The following ZRANB3 variants were observed in gnomAD, a reference collection of about 807,000 sequenced individuals.
The protein encoded by ZRANB3 is DNA annealing helicase and endonuclease ZRANB3.
Under a neutral mutation model 133.8 loss-of-function variants are expected in ZRANB3, and 125 were observed. The ratio of observed to expected loss-of-function variants is 0.93; its 90% CI spans 0.81 to 1.08. The LOEUF (loss-of-function observed/expected upper bound fraction) is 1.08, where lower values mean the gene tolerates loss of function less well. ZRANB3 is among the 50% of genes least tolerant of loss of function. ZRANB3 has a pLI of 0.00. For missense variants in ZRANB3, 1,229 were observed against 1,275.5 expected (o/e 0.96, Z 0.56); for synonymous variants, 387 against 432.7 (o/e 0.89, Z 1.31).
intron 14 of ZRANB3, among the ~76,000 whole-genome samples, chr2:135,226,843 C>CTA (rs1694778276): frequency 6.6e-6 from 1 of 151,168 alleles, no homozygotes; most frequent in African/African-American, 2.4e-5. Context: ...AGAGTATAAC[C>CTA]CACCTGAGTC....
chr2:135,428,553 A>T (rs757781448), intron 2 of ZRANB3, among the ~76,000 whole-genome samples: 1 of 152,210 alleles, frequency 6.6e-6, no homozygotes, highest in Non-Finnish European at 1.5e-5. Context: ...TAATCAACAG[A>T]CTAAACAGAC....
At chr2:135,469,571 A>C (rs1230982033) in intron 2 of ZRANB3, among the ~76,000 whole-genome samples, 2 of 152,186 alleles carry the variant, frequency 1.3e-5, no homozygotes, top group Non-Finnish European at 2.9e-5. Flanking sequence ...CATTTTGAGA[A>C]CCGGGACAAA....
intron 2 of ZRANB3, among the ~76,000 whole-genome samples, chr2:135,474,625 C>G (rs2104784474): frequency 6.6e-6 from 1 of 152,238 alleles, no homozygotes; most frequent in Non-Finnish European, 1.5e-5. Flanking sequence ...TCACCAGTAG[C>G]CAAGTAGATG....
intron 2 of ZRANB3, among the ~76,000 whole-genome samples, chr2:135,480,804 C>T (rs1574171734): frequency 7.7e-6 from 1 of 130,256 alleles, no homozygotes; most frequent in African/African-American, 3.2e-5. Flanking sequence ...GTGATATTCC[C>T]CTTCCTGTGT....
intron 2 of ZRANB3, among the ~76,000 whole-genome samples, chr2:135,479,439 A>C (rs890478821): frequency 2.6e-5 from 4 of 152,164 alleles, no homozygotes; most frequent in African/African-American, 9.7e-5. Context: ...GTTCAAGACC[A>C]GCCTGGCCAA....
chr2:135,442,459 T>C (rs1689822479), intron 2 of ZRANB3, among the ~76,000 whole-genome samples: 1 of 152,196 alleles, frequency 6.6e-6, no homozygotes, highest in Non-Finnish European at 1.5e-5. Context: ...TCATCATCAC[T>C]GGTCATTAGA....
chr2:135,335,311 T>C (rs1684322181), intron 6 of ZRANB3, among the ~76,000 whole-genome samples: 2 of 151,776 alleles, frequency 1.3e-5, no homozygotes, highest in Admixed American at 6.6e-5. Context: ...TGACACAGAA[T>C]AGTGTCTAGA....
At chr2:135,453,774 C>G (rs1690377258) in intron 2 of ZRANB3, among the ~76,000 whole-genome samples, 1 of 152,222 alleles carries the variant, frequency 6.6e-6, no homozygotes, top group South Asian at 2.1e-4. Context: ...AGGTTCCAAA[C>G]TTTCCCACAT....
chr2:135,370,372 T>C (rs1178115298), intron 3 of ZRANB3, among the ~76,000 whole-genome samples: 1 of 152,030 alleles, frequency 6.6e-6, no homozygotes, highest in Non-Finnish European at 1.5e-5. Flanking sequence ...TGTGTCATTC[T>C]TATGCCACTG....
intron 8 of ZRANB3, among the ~76,000 whole-genome samples, chr2:135,294,895 A>T (rs929621635): frequency 6.6e-6 from 1 of 152,164 alleles, no homozygotes; most frequent in African/African-American, 2.4e-5. Flanking sequence ...GTTTCCACGT[A>T]GTTGAGCAGT....
At chr2:135,406,463 T>C (rs984764342) in intron 2 of ZRANB3, among the ~76,000 whole-genome samples, 2 of 152,160 alleles carry the variant, frequency 1.3e-5, no homozygotes, top group Admixed American at 6.6e-5. Context: ...CCTCCCTAAC[T>C]CATTTTATGA....
chr2:135,204,470 C>T (rs1215605644), intron 19 of ZRANB3, among the ~76,000 whole-genome samples: 2 of 151,250 alleles, frequency 1.3e-5, no homozygotes, highest in African/African-American at 2.4e-5. Context: ...CACTTGAGGC[C>T]ACTCTTCAAT....
At chr2:135,397,231 G>A (rs143137451) in intron 2 of ZRANB3, among the ~76,000 whole-genome samples, 10 of 151,992 alleles carry the variant, frequency 6.6e-5, no homozygotes, top group African/African-American at 1.2e-4. Context: ...TCACTTTAGC[G>A]TACCAATCTG....
chr2:135,467,578 A>G (rs1213808243), intron 2 of ZRANB3, among the ~76,000 whole-genome samples: 1 of 152,194 alleles, frequency 6.6e-6, no homozygotes, highest in Non-Finnish European at 1.5e-5. Context: ...AACCTTTACT[A>G]TTGAGGATCC....
At chr2:135,360,222 T>C (rs1026325405) in intron 3 of ZRANB3, among the ~76,000 whole-genome samples, 2 of 149,886 alleles carry the variant, frequency 1.3e-5, no homozygotes, top group Admixed American at 1.3e-4. Flanking sequence ...CTATGAAAAA[T>C]ACAAAAAAAT....
At chr2:135,357,832 C>G (rs539859028) in intron 3 of ZRANB3, among the ~76,000 whole-genome samples, 8 of 152,228 alleles carry the variant, frequency 5.3e-5, no homozygotes. Context: ...AATTTAACAC[C>G]AGATATCTTG....
intron 6 of ZRANB3, among the ~76,000 whole-genome samples, chr2:135,329,435 A>G (rs1322229013): frequency 6.6e-6 from 1 of 152,210 alleles, no homozygotes; most frequent in South Asian, 2.1e-4. Context: ...TTTTGGTACC[A>G]GTACCATGCT....
Position 135,313,538 on chromosome 2 carries a change from G to C in ZRANB3, c.917C>G (p.Thr306Arg). ...CATGCGAGTTATCAACCCCATGACT[G>C]TCTCCATGGCACCTGAATTTGGAGT... ...MRTPNSGAME[T>R]VMGLITRMFK... Residue 306 changes from threonine (T) to arginine (R), a missense_variant, in exon 8 of 21, where the codon ACA becomes AGA. Transcript: ENST00000264159. 1 of 1,613,744 alleles carries C rather than the reference G, an allele frequency of 6.2e-7. No individual in the cohort carries two copies. The highest frequency in any genetic ancestry group is 1.1e-5 in the South Asian group (1 of 91,034).
intron 6 of ZRANB3, among the ~76,000 whole-genome samples, chr2:135,329,950 T>C (rs1684052363): frequency 6.6e-6 from 1 of 152,210 alleles, no homozygotes; most frequent in African/African-American, 2.4e-5. Flanking sequence ...TAAGGAGATT[T>C]TGGGCTGAGA....
Sources: gnomAD v4.1 joint callset for allele counts (sites outside exome capture counted in the v4.1 genomes callset) on GRCh38, gnomAD v4.1.1 for gene constraint, MANE v1.5 for transcripts, NCBI Gene and HGNC (gene_info 2026-07-23, HGNC 2026-07-21) for gene names.